Variants in MRGPRE observed in about 807,000 individuals in gnomAD.
The protein encoded by MRGPRE is MAS related GPR family member E.
For missense variants in MRGPRE, 466 were observed against 433.4 expected (o/e 1.08, Z -0.67); for synonymous variants, 229 against 206.7 (o/e 1.11, Z -0.92).
Position 3,228,200 on chromosome 11 carries a change from C to T in MRGPRE, c.600G>A (p.Leu200=). 6.4e-7 allele frequency: 1 copy of T among 1,559,894 alleles called. No homozygotes were observed. Among genetic ancestry groups the T allele is most frequent in the Non-Finnish European group, 8.7e-7 (1 of 1,152,250 alleles). The change falls in exon 2 of 2, where the codon CTG becomes CTA. Residue 200 remains leucine (L), a synonymous_variant. Transcript: ENST00000389832. Reference sequence around the variant, plus strand: ...GCTGGGGGCCTCGCTCCACCCGCAGCAGCAGCATAAGGCTGGCCCCACACA... The same window carrying T: ...GCTGGGGGCCTCGCTCCACCCGCAGTAGCAGCATAAGGCTGGCCCCACACA... ...CTMCGASLML[L]LRVERGPQRP...
Position 3,227,614 on chromosome 11 carries a change from C to T in MRGPRE, c.*247G>A, listed in dbSNP as rs753061304. 3.8e-5 allele frequency: 16 copies of T among 417,158 alleles called. No homozygotes were observed. Among genetic ancestry groups the T allele is most frequent in the African/African-American group, 6.1e-5 (3 of 49,262 alleles). The allele number at this position is 417,158 out of a possible 1,614,324, so 25.8% of individuals were successfully genotyped here. On this transcript the variant is annotated 3_prime_UTR_variant, in exon 2 of 2. Transcript: ENST00000389832. ...GTTGGGGAGGTTTCCCAAAAATGCA[C>T]GTTCCTCGGCCTTCTCCCCAGAGAC...
rs1847747825 is a variant in MRGPRE, at chr11:3,225,352, G to A, written c.*2509C>T. On this transcript the variant is annotated 3_prime_UTR_variant, in exon 2 of 2. Transcript: ENST00000389832. The stretch of plus-strand genomic sequence containing the variant: ...GTGCTGACCGCGGCAGCCCCGCAGG[G>A]GCCCGGGGTTGCGGGTGGATGGGGT... Among the ~76,000 whole-genome samples the A allele has an allele frequency of 6.6e-6, 1 of 152,250 alleles. No homozygotes were observed. Among genetic ancestry groups the A allele is most frequent in the African/African-American group, 2.4e-5 (1 of 41,472 alleles).
In MRGPRE at chr11:3,231,956, C is replaced by A. The variant is rs746043810; in HGVS notation, c.-62+185G>T. On this transcript the variant is annotated intron_variant, in intron 1 of 1. Transcript: ENST00000389832. The surrounding 1 kb of genome is among the most constrained non-coding windows in gnomAD (Gnocchi z 4.7). ...TCCAGACTCAGCCCAGGGCTGGCTG[C>A]GGACCAGGTGGTGCGGCCCGTCAGA... is the stretch of plus-strand genomic sequence containing the variant. Among the ~76,000 whole-genome samples the A allele has an allele frequency of 2.6e-5, 4 of 152,120 alleles. No homozygotes were observed.
rs1056032854 is a variant in MRGPRE at position 3,227,772 on chromosome 11, C to T, written c.*89G>A. On this transcript the variant is annotated 3_prime_UTR_variant, in exon 2 of 2. Coordinates refer to ENST00000389832, the MANE Select transcript of MRGPRE (RefSeq NM_001039165.4). ...CACCCACCAAGGCCTCCTCCAGGTC[C>T]GGCTGGCCCCAGCCTCTGACCCCAC... The T allele has an allele frequency of 3.2e-5, 35 of 1,107,070 alleles. No homozygotes were observed. The highest frequency in any genetic ancestry group is 1.7e-4 in the South Asian group (9 of 51,488). 68.6% of individuals were successfully genotyped at this position (1,107,070 alleles called of 1,614,324 possible). A position where few individuals can be genotyped will look rare whatever the true frequency, so the allele number is the denominator to read the frequency against.
chr11:3,228,215 G>T lies in MRGPRE; in HGVS notation c.585C>A (p.Ala195=). 6.4e-7 allele frequency: 1 copy of T among 1,556,790 alleles called. No homozygotes were observed. The highest frequency in any genetic ancestry group is 1.4e-5 in the African/African-American group (1 of 73,810). The change falls in exon 2 of 2, where the codon GCC becomes GCA. Residue 195 remains alanine (A), a synonymous_variant. Coordinates refer to ENST00000389832, the MANE Select transcript of MRGPRE (RefSeq NM_001039165.4). ...LALLCCTMCG[A]SLMLLLRVER... is the part of the protein sequence containing the mutation. ...CCACCCGCAGCAGCAGCATAAGGCTGGCCCCACACATGGTGCAACACAGCA... is the reference window on the plus strand; with the variant it reads ...CCACCCGCAGCAGCAGCATAAGGCTTGCCCCACACATGGTGCAACACAGCA...
rs1239573060 is a variant in MRGPRE at position 3,228,095 on chromosome 11, G to T, written c.705C>A (p.Ile235=). 3.1e-6 allele frequency: 5 copies of T among 1,602,088 alleles called. No homozygotes were observed. The Admixed American group carries it at 8.7e-5, about 28-fold the overall frequency. The change falls in exon 2 of 2, where the codon ATC becomes ATA. Residue 235 remains isoleucine, a synonymous_variant. Transcript: ENST00000389832. ...LFLFCGLPFG[I]YWLSRNLLWY... ...AGAGCAGGTTCCGGGACAGCCAGTA[G>T]ATGCCGAAGGGCAGGCCGCAGAAGA...
chr11:3,227,314 C>T lies in MRGPRE; in HGVS notation c.*547G>A, dbSNP rs1044200863. 2.6e-5 allele frequency among the ~76,000 whole-genome samples: 4 copies of T among 152,174 alleles called. No homozygotes were observed. Among genetic ancestry groups the T allele is most frequent in the South Asian group, 4.2e-4 (2 of 4,816 alleles). Reference sequence around the variant, plus strand: ...TGAGCAACTGGCTGATGATCAAGGACGGGGAGGGGGTCAAGTTTTGGGCAG... The same window carrying T: ...TGAGCAACTGGCTGATGATCAAGGATGGGGAGGGGGTCAAGTTTTGGGCAG... On this transcript the variant is annotated 3_prime_UTR_variant, in exon 2 of 2. Coordinates refer to ENST00000389832, the MANE Select transcript of MRGPRE (RefSeq NM_001039165.4).
Position 3,227,993 on chromosome 11 carries a change from G to A in MRGPRE, c.807C>T (p.Tyr269=), listed in dbSNP as rs766417852. 1 of 1,601,614 alleles carries A rather than the reference G, an allele frequency of 6.2e-7. No individual in the cohort carries two copies. Among genetic ancestry groups the A allele is most frequent in the Non-Finnish European group, 8.5e-7 (1 of 1,173,178 alleles). ...AVHCAAKPVV[Y]FCLGSAQGRR... Reference sequence around the variant, plus strand: ...GGCCCTGGGCACTGCCCAGGCAGAAGTAGACGACGGGCTTGGCCGCGCAGT... The same window carrying A: ...GGCCCTGGGCACTGCCCAGGCAGAAATAGACGACGGGCTTGGCCGCGCAGT... Residue 269 remains tyrosine, a synonymous_variant, in exon 2 of 2, where the codon TAC becomes TAT. Transcript: ENST00000389832.
In MRGPRE at chr11:3,228,124, A is replaced by G. The variant is rs1213334501; in HGVS notation, c.676T>C (p.Phe226Leu). The G allele has an allele frequency of 6.3e-7, 1 of 1,590,690 alleles. No homozygotes were observed. Residue 226 changes from phenylalanine to leucine, a missense_variant, in exon 2 of 2, where the codon TTC becomes CTC. Transcript: ENST00000389832. Reference protein sequence around the residue: ...PGLILLTVLLFLFCGLPFGIY... With the variant: ...PGLILLTVLLLLFCGLPFGIY... ...CCGAAGGGCAGGCCGCAGAAGAGGA[A>G]GAGGAGGACGGTGAGGAGGATGAGC... is the stretch of plus-strand genomic sequence containing the variant.
intron 1 of MRGPRE, 69 bp downstream of exon 1, chr11:3,232,071 GC>G: frequency 6.5e-6 from 1 of 152,880 alleles, no homozygotes; most frequent in Admixed American, 6.5e-5. Context: ...CAGCAAAAGA[GC>G]CCAGAAAATG....
In MRGPRE at chr11:3,228,558, A is replaced by G; in HGVS notation, c.242T>C (p.Val81Ala). The change falls in exon 2 of 2, where the codon GTC becomes GCC. Residue 81 changes from valine to alanine, a missense_variant. Coordinates refer to ENST00000389832, the MANE Select transcript of MRGPRE (RefSeq NM_001039165.4). ...CAGCCGGCCTTGCAGCAAGTCGGGG[A>G]CGATGGCCACCATGTGGCAGCCAAG... The part of the protein sequence containing the change: ...IFLGCHMVAI[V>A]PDLLQGRLDF... 1 of 1,613,674 alleles carries G rather than the reference A, an allele frequency of 6.2e-7. No individual in the cohort carries two copies. Among genetic ancestry groups the G allele is most frequent in the East Asian group, 2.2e-5 (1 of 44,852 alleles).
rs555203753 is a variant in MRGPRE, at chr11:3,228,012, G to A, written c.788C>T (p.Ala263Val). ...FSFLMAAVHC[A>V]AKPVVYFCLG... ...GCAGAAGTAGACGACGGGCTTGGCC[G>A]CGCAGTGCACGGCGGCCATGAGGAA... Residue 263 changes from alanine to valine, a missense_variant, in exon 2 of 2, where the codon GCG becomes GTG. Ala to Val is a moderately conservative substitution (Grantham distance 64). Coordinates refer to ENST00000389832, the MANE Select transcript of MRGPRE (RefSeq NM_001039165.4). 132 of 1,605,420 alleles carry A rather than the reference G, an allele frequency of 8.2e-5. 2 individuals carry two copies. In the South Asian group the frequency reaches 8.5e-4, roughly 10 times the overall value.
At position 3,231,555 on chromosome 11, in the gene MRGPRE, G is replaced by A. The variant is rs1314465135; in HGVS notation, c.-62+586C>T. Among the ~76,000 whole-genome samples, 3 of 150,424 alleles carry A rather than the reference G, an allele frequency of 2.0e-5. No individual in the cohort carries two copies. Among genetic ancestry groups the A allele is most frequent in the Non-Finnish European group, 4.4e-5 (3 of 67,590 alleles). ...TGGTGAGCAGGAGGAAGAGGAGAGGGAGGAGAAGGAGGGGAGGAGGCGGGG... is the reference window on the plus strand; with the variant it reads ...TGGTGAGCAGGAGGAAGAGGAGAGGAAGGAGAAGGAGGGGAGGAGGCGGGG... On this transcript the variant is annotated intron_variant, in intron 1 of 1. Coordinates refer to ENST00000389832, the MANE Select transcript of MRGPRE (RefSeq NM_001039165.4). The surrounding 1 kb of genome is among the most constrained non-coding windows in gnomAD (Gnocchi z 4.7).
rs536257937 is a variant in MRGPRE at position 3,228,002 on chromosome 11, G to A, written c.798C>T (p.Pro266=). The change falls in exon 2 of 2, where the codon CCC becomes CCT. Residue 266 remains proline, a synonymous_variant. Coordinates refer to ENST00000389832, the MANE Select transcript of MRGPRE (RefSeq NM_001039165.4). The part of the protein sequence containing the change: ...LMAAVHCAAK[P]VVYFCLGSAQ... The stretch of plus-strand genomic sequence containing the variant: ...CACTGCCCAGGCAGAAGTAGACGAC[G>A]GGCTTGGCCGCGCAGTGCACGGCGG... The A allele has an allele frequency of 6.2e-6, 10 of 1,602,794 alleles. No homozygotes were observed. The East Asian group carries it at 1.3e-4, about 22-fold the overall frequency.
At position 3,231,909 on chromosome 11, in the gene MRGPRE, A is replaced by T. The variant is rs1325272420; in HGVS notation, c.-62+232T>A. Reference sequence around the variant, plus strand: ...ACCGGGGGTGGGGGGTTGGGGAGCCATCACCCAAGCTATCGTCCTCTTCCA... The same window carrying T: ...ACCGGGGGTGGGGGGTTGGGGAGCCTTCACCCAAGCTATCGTCCTCTTCCA... On this transcript the variant is annotated intron_variant, in intron 1 of 1. Transcript: ENST00000389832. The surrounding 1 kb of genome is among the most constrained non-coding windows in gnomAD (Gnocchi z 4.7). 6.6e-6 allele frequency among the ~76,000 whole-genome samples: 1 copy of T among 152,036 alleles called. No homozygotes were observed. Among genetic ancestry groups the T allele is most frequent in the Non-Finnish European group, 1.5e-5 (1 of 67,970 alleles).
rs1220106762 is a variant in MRGPRE at position 3,225,171 on chromosome 11, G to A, written c.*2690C>T. On this transcript the variant is annotated 3_prime_UTR_variant, in exon 2 of 2. Coordinates refer to ENST00000389832, the MANE Select transcript of MRGPRE (RefSeq NM_001039165.4). Reference sequence around the variant, plus strand: ...GACTCGTACCCGGGCGCTGGGGAGGGGATAGGGAAGCTGGCCGCAGGCCTG... The same window carrying A: ...GACTCGTACCCGGGCGCTGGGGAGGAGATAGGGAAGCTGGCCGCAGGCCTG... Among the ~76,000 whole-genome samples, 2 of 152,254 alleles carry A rather than the reference G, an allele frequency of 1.3e-5. No homozygotes were observed. The highest frequency in any genetic ancestry group is 6.5e-5 in the Admixed American group (1 of 15,290).
rs1287490404 is a variant in MRGPRE, at chr11:3,228,713, G to T, written c.87C>A (p.Ser29=). 2 of 1,613,958 alleles carry T rather than the reference G, an allele frequency of 1.2e-6. No individual in the cohort carries two copies. The highest frequency in any genetic ancestry group is 3.3e-5 in the Admixed American group (2 of 60,024). The change falls in exon 2 of 2, where the codon TCC becomes TCA. Residue 29 remains serine (S), a synonymous_variant. Coordinates refer to ENST00000389832, the MANE Select transcript of MRGPRE (RefSeq NM_001039165.4). The part of the protein sequence containing the change: ...EDVAFNLIIL[S]LTEGLGLGGL... ...CACCGAGGCCGAGCCCCTCGGTGAG[G>T]GACAGGATGATGAGGTTGAAGGCCA...
chr11:3,229,460 C>T lies in MRGPRE; in HGVS notation c.-61-600G>A, dbSNP rs982673797. On this transcript the variant is annotated intron_variant, in intron 1 of 1. Coordinates refer to ENST00000389832, the MANE Select transcript of MRGPRE (RefSeq NM_001039165.4). The surrounding 1 kb of genome is among the most constrained non-coding windows in gnomAD (Gnocchi z 4.4). Reference sequence around the variant, plus strand: ...CAGGCTGGTCTCGAACTCCTGACCTCGTGATCCGCCTGCCTTGGACTCCCA... The same window carrying T: ...CAGGCTGGTCTCGAACTCCTGACCTTGTGATCCGCCTGCCTTGGACTCCCA... 2.6e-5 allele frequency among the ~76,000 whole-genome samples: 4 copies of T among 152,080 alleles called. No homozygotes were observed. Among genetic ancestry groups the T allele is most frequent in the Admixed American group, 1.3e-4 (2 of 15,268 alleles).
At position 3,228,594 on chromosome 11, in the gene MRGPRE, T is replaced by A. The variant is rs1847793489; in HGVS notation, c.206A>T (p.Asp69Val). ...CATGTGGCAGCCAAGGAAGATGAGATCCGCGCAGGCCACGTCCAGGAGGTA... is the reference window on the plus strand; with the variant it reads ...CATGTGGCAGCCAAGGAAGATGAGAACCGCGCAGGCCACGTCCAGGAGGTA... ...AIYLLDVACA[D>V]LIFLGCHMVA... The change falls in exon 2 of 2, where the codon GAT becomes GTT. Residue 69 changes from aspartate to valine, a missense_variant. Coordinates refer to ENST00000389832, the MANE Select transcript of MRGPRE (RefSeq NM_001039165.4). The A allele has an allele frequency of 6.2e-7, 1 of 1,613,728 alleles. No individual in the cohort carries two copies. Among genetic ancestry groups the A allele is most frequent in the Non-Finnish European group, 8.5e-7 (1 of 1,179,894 alleles).
Sources: gnomAD v4.1 joint callset for allele counts (sites outside exome capture counted in the v4.1 genomes callset) on GRCh38, gnomAD v4.1.1 for gene constraint, Gnocchi (gnomAD v3.1) non-coding constraint, MANE v1.5 for transcripts, NCBI Gene and HGNC (gene_info 2026-07-23, HGNC 2026-07-21) for gene names.